Variants in SLCO4C1 observed in about 807,000 individuals in gnomAD.
SLCO4C1 encodes solute carrier organic anion transporter family member 4C1.
A neutral mutation model predicts 72.1 loss-of-function variants in SLCO4C1; 58 were observed. That is an observed-to-expected ratio of 0.80 (90% confidence interval 0.65 to 1.00). The LOEUF (loss-of-function observed/expected upper bound fraction) is 1.00. SLCO4C1 is among the 50% of genes least tolerant of loss of function. The pLI is 0.00. For synonymous variants in SLCO4C1, 297 were observed against 312.5 expected, an observed-to-expected ratio of 0.95 and a Z score of 0.52; for missense variants, 898 against 857.9, an observed-to-expected ratio of 1.05 and a Z score of -0.58.
At chr5:102,251,499 A>G (rs1254351450) in intron 8 of SLCO4C1, among the ~76,000 whole-genome samples, 1 of 152,130 alleles carries the variant, frequency 6.6e-6, no homozygotes, top group Non-Finnish European at 1.5e-5. Flanking sequence ...CTTAGGCAGA[A>G]AAATCACTTG....
rs1202054279 is a variant in SLCO4C1, at chr5:102,236,578, G to A, written c.*280C>T. The A allele has an allele frequency of 5.2e-5, 13 of 248,408 alleles. No homozygotes were observed. Among genetic ancestry groups the A allele is most frequent in the Non-Finnish European group, 2.1e-5 (3 of 141,426 alleles). 15.4% of individuals were successfully genotyped at this position (248,408 alleles called of 1,614,324 possible). On this transcript the variant is annotated 3_prime_UTR_variant, in exon 13 of 13. Transcript: ENST00000310954. ...GGGAATAGGAAATAAGTGTGTATGT[G>A]TGCGTGTGTGTGTGTGTGTGTGTGT...
chr5:102,283,797 A>G (rs1338880745), intron 2 of SLCO4C1, among the ~76,000 whole-genome samples: 1 of 152,066 alleles, frequency 6.6e-6, no homozygotes, highest in African/African-American at 2.4e-5. Context: ...CAGTAAGAGT[A>G]GGTAATGGCA....
chr5:102,274,156 T>C (rs1749203961), intron 2 of SLCO4C1, among the ~76,000 whole-genome samples: 1 of 152,162 alleles, frequency 6.6e-6, no homozygotes, highest in South Asian at 2.1e-4. Context: ...AGAAGGGACT[T>C]GAGCATGCAG....
At chr5:102,285,709 T>G (rs534707022) in intron 2 of SLCO4C1, among the ~76,000 whole-genome samples, 1 of 152,340 alleles carries the variant, frequency 6.6e-6, no homozygotes, top group East Asian at 1.9e-4. Flanking sequence ...TTTTACTGTA[T>G]GTATTAAATT....
chr5:102,246,970 G>A (rs933783002), intron 10 of SLCO4C1, among the ~76,000 whole-genome samples: 6 of 152,088 alleles, frequency 3.9e-5, no homozygotes, highest in South Asian at 2.1e-4. Flanking sequence ...AAAACTGAAC[G>A]TTTCTCCAGC....
intron 1 of SLCO4C1, among the ~76,000 whole-genome samples, chr5:102,295,694 G>A (rs1039138595): frequency 6.8e-4 from 103 of 152,252 alleles, no homozygotes; most frequent in African/African-American, 2.5e-3. Context: ...AGTTTGAACT[G>A]TAGTGATAAA....
intron 6 of SLCO4C1, among the ~76,000 whole-genome samples, chr5:102,259,555 T>C (rs1001015233): frequency 6.6e-6 from 1 of 152,052 alleles, no homozygotes; most frequent in Non-Finnish European, 1.5e-5. Context: ...AAGCAAACAA[T>C]TTCACATCTT....
intron 12 of SLCO4C1, among the ~76,000 whole-genome samples, chr5:102,238,873 C>T (rs10078106): frequency 0.25 from 38,039 of 151,922 alleles, 6,027 homozygotes; most frequent in Non-Finnish European, 0.35. Context: ...CCTGCCTGAG[C>T]CATATGTGTT....
intron 10 of SLCO4C1, among the ~76,000 whole-genome samples, chr5:102,245,314 T>A (rs1041035431): frequency 6.6e-6 from 1 of 152,022 alleles, no homozygotes; most frequent in East Asian, 1.9e-4. Flanking sequence ...ACTTCACCTA[T>A]AAAGACACAC....
chr5:102,237,044 G>C (rs1335251397), intron 12 of SLCO4C1, 26 bp from the exon 13 acceptor site: 2 of 1,544,338 alleles, frequency 1.3e-6, no homozygotes, highest in Non-Finnish European at 1.7e-6. Flanking sequence ...AATTAATCAT[G>C]TGCTTTTGTT....
intron 2 of SLCO4C1, among the ~76,000 whole-genome samples, chr5:102,278,988 G>C (rs768643753): frequency 2.0e-4 from 30 of 149,950 alleles, no homozygotes; most frequent in Non-Finnish European, 3.4e-4. Flanking sequence ...AGAAAATAAA[G>C]AGCAGAAATC....
intron 2 of SLCO4C1, among the ~76,000 whole-genome samples, chr5:102,288,149 C>T (rs539192240): frequency 5.6e-4 from 86 of 152,260 alleles, no homozygotes; most frequent in African/African-American, 2.0e-3. Flanking sequence ...TCAGTATTTG[C>T]ACTTCTAGGA....
intron 2 of SLCO4C1, among the ~76,000 whole-genome samples, chr5:102,287,537 T>C (rs896820316): frequency 6.8e-5 from 9 of 132,958 alleles, no homozygotes; most frequent in Non-Finnish European, 1.1e-4. Flanking sequence ...TTCACTTCTT[T>C]TTTTTTTTTT....
intron 3 of SLCO4C1, among the ~76,000 whole-genome samples, chr5:102,268,085 G>A (rs779521281): frequency 3.9e-5 from 6 of 152,018 alleles, no homozygotes; most frequent in African/African-American, 7.2e-5. Flanking sequence ...AAAATGTTCC[G>A]TATATACCTG....
Position 102,254,842 on chromosome 5 carries a change from C to T in SLCO4C1, c.1469+2273G>A, listed in dbSNP as rs145187478. On this transcript the variant is annotated intron_variant, in intron 8 of 12. Transcript: ENST00000310954. ...AAATATCCACTTGAGTTGCTTATTG[C>T]AATATATGCTTTATTTTGGTGGTCT... Among the ~76,000 whole-genome samples, 314 of 152,214 alleles carry T rather than the reference C, an allele frequency of 2.1e-3. 2 individuals are homozygous for T. Among genetic ancestry groups the T allele is most frequent in the African/African-American group, 7.2e-3 (298 of 41,538 alleles).
intron 7 of SLCO4C1, 80 bp from the exon 8 acceptor site, chr5:102,257,390 A>C: frequency 8.9e-7 from 1 of 1,121,488 alleles, no homozygotes; most frequent in East Asian, 2.7e-5. Flanking sequence ...AACATCAAAA[A>C]CAAGTGTCAA....
intron 11 of SLCO4C1, among the ~76,000 whole-genome samples, chr5:102,240,181 T>C (rs536372929): frequency 6.6e-6 from 1 of 152,210 alleles, no homozygotes; most frequent in East Asian, 1.9e-4. Flanking sequence ...GACGAGGTGA[T>C]CTCTAATGCC....
At chr5:102,287,846 G>A (rs142473722) in intron 2 of SLCO4C1, among the ~76,000 whole-genome samples, 5 of 151,966 alleles carry the variant, frequency 3.3e-5, no homozygotes, top group East Asian at 1.9e-4. Flanking sequence ...GAGTCATTGC[G>A]CCCGGCCAGG....
intron 2 of SLCO4C1, among the ~76,000 whole-genome samples, chr5:102,283,154 T>C (rs1448764659): frequency 2.6e-5 from 4 of 151,630 alleles, no homozygotes; most frequent in Admixed American, 1.3e-4. Flanking sequence ...AAGTGTTTGG[T>C]CAGACTTTGG....
Sources: gnomAD v4.1 joint callset for allele counts (sites outside exome capture counted in the v4.1 genomes callset) on GRCh38, gnomAD v4.1.1 for gene constraint, MANE v1.5 for transcripts, NCBI Gene and HGNC (gene_info 2026-07-23, HGNC 2026-07-21) for gene names.